The following SORBS2 variants were observed in gnomAD, a reference collection of about 807,000 sequenced individuals.
SORBS2 encodes sorbin and SH3 domain containing 2.
A neutral mutation model predicts 97.7 loss-of-function variants in SORBS2; 46 were observed. The ratio of observed to expected loss-of-function variants is 0.47; its 90% CI spans 0.37 to 0.60. The LOEUF (loss-of-function observed/expected upper bound fraction) is 0.60. SORBS2 is among the 20% of genes least tolerant of loss of function. SORBS2 has a pLI of 0.00. For synonymous variants in SORBS2, 476 were observed against 473.4 expected (o/e 1.01, Z -0.07); for missense variants, 1,316 against 1,282.3 (o/e 1.03, Z -0.40).
At chr4:185,711,792 G>A (rs531727353) in intron 2 of SORBS2, among the ~76,000 whole-genome samples, 5 of 152,166 alleles carry the variant, frequency 3.3e-5, no homozygotes, top group South Asian at 2.1e-4. Context: ...TCTGAAGCCC[G>A]GGTCTGTCTT....
At chr4:185,643,977 C>A (rs2097170072) in intron 4 of SORBS2, among the ~76,000 whole-genome samples, 1 of 152,166 alleles carries the variant, frequency 6.6e-6, no homozygotes, top group Non-Finnish European at 1.5e-5. Flanking sequence ...CGCGGCCAGT[C>A]TCTACATCAC....
intron 1 of SORBS2, among the ~76,000 whole-genome samples, chr4:185,803,900 AAAG>A (rs1371115271): frequency 1.3e-5 from 2 of 152,224 alleles, no homozygotes; most frequent in African/African-American, 4.8e-5. Context: ...TTTCTCTGAC[AAAG>A]AAGATAAGTG....
chr4:185,625,416 T>C (rs1270398169), intron 6 of SORBS2, among the ~76,000 whole-genome samples: 1 of 152,200 alleles, frequency 6.6e-6, no homozygotes, highest in Non-Finnish European at 1.5e-5. Flanking sequence ...TTCCTAGAAA[T>C]AAAATCTAAT....
At chr4:185,753,627 T>C (rs1234751653) in intron 2 of SORBS2, among the ~76,000 whole-genome samples, 1 of 152,202 alleles carries the variant, frequency 6.6e-6, no homozygotes. Context: ...TCCTTTAGTC[T>C]CAATAGAATA....
chr4:185,610,787 T>A (rs1247628731), intron 12 of SORBS2, among the ~76,000 whole-genome samples: 1 of 152,190 alleles, frequency 6.6e-6, no homozygotes, highest in Non-Finnish European at 1.5e-5. Context: ...TTTCATGTCC[T>A]AGCCTTGATC....
chr4:185,586,204 C>T (rs750565714), exon 15 of SORBS2: 4 of 152,644 alleles, frequency 2.6e-5, no homozygotes, highest in Non-Finnish European at 5.9e-5. Context: ...GCTCAAGATC[C>T]AAAGATGAAC....
At chr4:185,630,006 A>T (rs1388277018) in intron 5 of SORBS2, among the ~76,000 whole-genome samples, 1 of 152,064 alleles carries the variant, frequency 6.6e-6, no homozygotes, top group Non-Finnish European at 1.5e-5. Flanking sequence ...AACTGTGTAA[A>T]CTTGGTAAGT....
chr4:185,740,980 A>AACCAGCACTAACTCGG (rs1220556472), intron 2 of SORBS2, among the ~76,000 whole-genome samples: 2 of 150,686 alleles, frequency 1.3e-5, no homozygotes, highest in African/African-American at 2.4e-5. Context: ...CACGAACTCA[A>AACCAGCACTAACTCGG]ACCAGCACTA....
intron 2 of SORBS2, 31 bp downstream of exon 11, chr4:185,651,753 T>G: frequency 1.6e-6 from 2 of 1,277,908 alleles, no homozygotes; most frequent in South Asian, 1.2e-5. Flanking sequence ...GAGCATAAAA[T>G]AGTCATTGCG....
upstream of SORBS2, among the ~76,000 whole-genome samples, chr4:185,661,303 A>G (rs2097516167): frequency 6.6e-6 from 1 of 151,810 alleles, no homozygotes; most frequent in Middle Eastern, 3.2e-3. Context: ...TATTTATCAC[A>G]TTATTTTCTG....
At chr4:185,740,973 G>A (rs116581974) in intron 2 of SORBS2, among the ~76,000 whole-genome samples, 8 of 139,832 alleles carry the variant, frequency 5.7e-5, no homozygotes, top group Non-Finnish European at 6.2e-5. Context: ...AGATCAGCAC[G>A]AACTCAAACC....
At position 185,628,151 on chromosome 4, in the gene SORBS2, G is replaced by A. The variant is rs186700008; in HGVS notation, c.447-1132C>T. Among the ~76,000 whole-genome samples, 415 of 152,222 alleles carry A rather than the reference G, an allele frequency of 2.7e-3. 1 individual carries two copies. Among genetic ancestry groups the A allele is most frequent in the African/African-American group, 9.4e-3 (392 of 41,532 alleles). On this transcript the variant is annotated intron_variant, in intron 5 of 14. Coordinates refer to ENST00000418609, the Ensembl canonical transcript of SORBS2. The stretch of plus-strand genomic sequence containing the variant: ...AATAATGCTCCTAAGAAAACCACCT[G>A]CTGGTTTTTGTGTGAACCTAAGTTT...
At chr4:185,634,873 C>G (rs2096968466) in intron 4 of SORBS2, among the ~76,000 whole-genome samples, 1 of 152,046 alleles carries the variant, frequency 6.6e-6, no homozygotes, top group African/African-American at 2.4e-5. Flanking sequence ...CAGCCCTATT[C>G]TTGACTGATA....
chr4:185,610,226 A>G (rs1347578548), intron 12 of SORBS2, among the ~76,000 whole-genome samples: 1 of 152,166 alleles, frequency 6.6e-6, no homozygotes, highest in East Asian at 1.9e-4. Context: ...TCTTCCTTAC[A>G]ACATTTTATT....
At chr4:185,802,404 A>AT (rs1301089129) in intron 1 of SORBS2, among the ~76,000 whole-genome samples, 1 of 152,178 alleles carries the variant, frequency 6.6e-6, no homozygotes, top group African/African-American at 2.4e-5. Flanking sequence ...TGCAAGTATG[A>AT]TTTTTTTAAT....
At chr4:185,764,077 A>G (rs973556810) in intron 2 of SORBS2, among the ~76,000 whole-genome samples, 2 of 152,226 alleles carry the variant, frequency 1.3e-5, no homozygotes, top group African/African-American at 2.4e-5. Flanking sequence ...TATAAGCTAC[A>G]GAATGAAGTC....
chr4:185,691,768 T>G (rs1375263156), intron 2 of SORBS2, among the ~76,000 whole-genome samples: 2 of 151,922 alleles, frequency 1.3e-5, no homozygotes, highest in African/African-American at 4.8e-5. Flanking sequence ...TTTTTTGAGA[T>G]GAGTCTCGCT....
chr4:185,819,037 A>G (rs1475170759), intron 1 of SORBS2, among the ~76,000 whole-genome samples: 1 of 152,140 alleles, frequency 6.6e-6, no homozygotes, highest in African/African-American at 2.4e-5. Flanking sequence ...TTTGCTTCCA[A>G]CAATTGGAAG....
chr4:185,678,087 T>C (rs1172472432), intron 4 of SORBS2, among the ~76,000 whole-genome samples: 1 of 152,206 alleles, frequency 6.6e-6, no homozygotes, highest in East Asian at 1.9e-4. Flanking sequence ...TGCATACTCA[T>C]AGTTATTGAA....
Sources: gnomAD v4.1 joint callset for allele counts (sites outside exome capture counted in the v4.1 genomes callset) on GRCh38, gnomAD v4.1.1 for gene constraint, MANE v1.5 for transcripts, NCBI Gene and HGNC (gene_info 2026-07-23, HGNC 2026-07-21) for gene names.